SOS1: variants seen among roughly 807,000 people sequenced by gnomAD.
SOS1 encodes SOS Ras/Rac guanine nucleotide exchange factor 1.
In SOS1, 25 loss-of-function variants were observed where a neutral mutation model predicts 157.6. That is an observed-to-expected ratio of 0.16 (90% confidence interval 0.12 to 0.22). The LOEUF (loss-of-function observed/expected upper bound fraction) is 0.22. Ranked by LOEUF, SOS1 falls within the 10% of genes least tolerant of loss-of-function variation. The pLI is 1.00. For synonymous variants in SOS1, 528 were observed against 534.0 expected (o/e 0.99, Z 0.16); for missense variants, 1,237 against 1,599.1 (o/e 0.77, Z 3.86).
At chr2:39,024,210 A>G in intron 8 of SOS1, 73 bp from the exon 9 acceptor site, 5 of 1,199,872 alleles carry the variant, frequency 4.2e-6, no homozygotes, top group Admixed American at 2.0e-5. Flanking sequence ...TCATTTAAGG[A>G]TAAAAATAAC....
In SOS1 at chr2:38,984,386, G is replaced by T. The variant is rs1478370522; in HGVS notation, c.*1438C>A. On this transcript the variant is annotated 3_prime_UTR_variant, in exon 23 of 23. Transcript: ENST00000402219. ...TCCATATTATGATAGTAATGATGCA[G>T]GTAGATGTTCTATTATGAATAGTTT... The T allele has an allele frequency of 6.6e-6, 1 of 152,156 alleles. No individual in the cohort carries two copies. The highest frequency in any genetic ancestry group is 1.5e-5 in the Non-Finnish European group (1 of 68,034). The allele number at this position is 152,156 out of a possible 1,614,324, so 9.4% of individuals were successfully genotyped here. A position where few individuals can be genotyped will look rare whatever the true frequency, so the allele number is the denominator to read the frequency against.
intron 6 of SOS1, among the ~76,000 whole-genome samples, chr2:39,041,921 A>G (rs756718936): frequency 1.3e-5 from 2 of 152,078 alleles, no homozygotes; most frequent in Admixed American, 1.3e-4. Context: ...TGTGTTATGG[A>G]ATGAATTTTT....
chr2:39,085,565 A>C (rs1250222961), intron 1 of SOS1, among the ~76,000 whole-genome samples: 1 of 152,230 alleles, frequency 6.6e-6, no homozygotes, highest in East Asian at 1.9e-4. Context: ...TAGTAAACCA[A>C]AGCCATAACA....
intron 1 of SOS1, among the ~76,000 whole-genome samples, chr2:39,085,107 G>A (rs777164207): frequency 1.5e-4 from 23 of 152,212 alleles, no homozygotes; most frequent in Non-Finnish European, 1.2e-4. Flanking sequence ...CTGCAGTGTC[G>A]TGTTCACAGC....
At chr2:39,063,027 C>T (rs1005585637) in intron 2 of SOS1, among the ~76,000 whole-genome samples, 12 of 152,084 alleles carry the variant, frequency 7.9e-5, no homozygotes, top group African/African-American at 2.9e-4. Flanking sequence ...CATGGTTCTA[C>T]ATCTGTGGAT....
chr2:39,110,074 G>GTTTGTGTGTGTGTA (rs1005443941), intron 1 of SOS1, among the ~76,000 whole-genome samples: 22 of 150,602 alleles, frequency 1.5e-4, no homozygotes, highest in African/African-American at 4.9e-4. Flanking sequence ...GTGTGTGTGT[G>GTTTGTGTGTGTGTA]TGTGTATGTG....
intron 1 of SOS1, among the ~76,000 whole-genome samples, chr2:39,087,089 T>C (rs889598650): frequency 1.2e-4 from 18 of 152,206 alleles, no homozygotes; most frequent in South Asian, 6.2e-4. Context: ...GCTGGGATTA[T>C]AGGCATGATC....
chr2:39,000,352 T>C (rs1669049882), intron 17 of SOS1, among the ~76,000 whole-genome samples: 1 of 152,228 alleles, frequency 6.6e-6, no homozygotes, highest in South Asian at 2.1e-4. Flanking sequence ...ATATATAGTT[T>C]AATAAAAACA....
chr2:39,074,401 C>A (rs1671894492), intron 1 of SOS1, among the ~76,000 whole-genome samples: 1 of 147,242 alleles, frequency 6.8e-6, no homozygotes, highest in African/African-American at 2.5e-5. Flanking sequence ...CATGGCAAAA[C>A]CCCATCTCTA....
chr2:39,040,763 T>C (rs999727221), intron 6 of SOS1, among the ~76,000 whole-genome samples: 1 of 152,232 alleles, frequency 6.6e-6, no homozygotes, highest in African/African-American at 2.4e-5. Context: ...ATGTGAGTTG[T>C]TCCCAGCTTT....
intron 16 of SOS1, 132 bp downstream of exon 16, chr2:39,006,898 GA>G: frequency 1.4e-6 from 1 of 702,770 alleles, no homozygotes. Context: ...ACAAAACTTA[GA>G]TAATTCAGTC....
At chr2:39,078,305 T>C (rs149099835) in intron 1 of SOS1, among the ~76,000 whole-genome samples, 1 of 152,318 alleles carries the variant, frequency 6.6e-6, no homozygotes, top group African/African-American at 2.4e-5. Flanking sequence ...GAATATCAAG[T>C]ATTGGTAAAG....
intron 6 of SOS1, among the ~76,000 whole-genome samples, chr2:39,043,879 A>C (rs889452538): frequency 2.0e-5 from 3 of 152,252 alleles, no homozygotes; most frequent in African/African-American, 7.2e-5. Flanking sequence ...ATGGGGACAC[A>C]TTGAAACCAC....
intron 2 of SOS1, among the ~76,000 whole-genome samples, chr2:39,060,850 A>G (rs1427565119): frequency 6.6e-6 from 1 of 152,192 alleles, no homozygotes; most frequent in African/African-American, 2.4e-5. Context: ...AGAAAAAAGT[A>G]AAAATAAAAA....
chr2:39,101,713 TA>T (rs1672974598), intron 1 of SOS1, among the ~76,000 whole-genome samples: 1 of 152,110 alleles, frequency 6.6e-6, no homozygotes, highest in Non-Finnish European at 1.5e-5. Flanking sequence ...AACTTCAGAA[TA>T]ATTTTTTGCT....
intron 20 of SOS1, among the ~76,000 whole-genome samples, chr2:38,989,849 AT>A (rs1411202845): frequency 1.3e-5 from 2 of 151,930 alleles, no homozygotes; most frequent in Non-Finnish European, 2.9e-5. Context: ...AGTCATAAAC[AT>A]TTTTTTTAAA....
intron 5 of SOS1, among the ~76,000 whole-genome samples, chr2:39,054,334 CA>C (rs1671132417): frequency 6.6e-6 from 1 of 152,184 alleles, no homozygotes; most frequent in Non-Finnish European, 1.5e-5. Flanking sequence ...CTCAAACAAA[CA>C]TATCTTCCAC....
intron 6 of SOS1, among the ~76,000 whole-genome samples, chr2:39,045,341 TC>T (rs1670741986): frequency 6.6e-6 from 1 of 151,804 alleles, no homozygotes; most frequent in East Asian, 1.9e-4. Context: ...TGTGGCCTAA[TC>T]TTTTTTGTTT....
chr2:39,027,950 C>G (rs1400764361), intron 8 of SOS1, among the ~76,000 whole-genome samples: 1 of 151,988 alleles, frequency 6.6e-6, no homozygotes, highest in African/African-American at 2.4e-5. Flanking sequence ...CCTACCTCAG[C>G]CTCCAGAGTA....
Sources: gnomAD v4.1 joint callset for allele counts (sites outside exome capture counted in the v4.1 genomes callset) on GRCh38, gnomAD v4.1.1 for gene constraint, MANE v1.5 for transcripts, NCBI Gene and HGNC (gene_info 2026-07-23, HGNC 2026-07-21) for gene names.